The following CC2D2A variants were observed in gnomAD, a reference collection of about 807,000 sequenced individuals.
The protein encoded by CC2D2A is coiled-coil and C2 domain-containing protein 2A.
CC2D2A carries 155 observed loss-of-function variants against 212.9 expected under a neutral mutation model. The observed-to-expected ratio is 0.73, with a 90% confidence interval of 0.64 to 0.83. The LOEUF (loss-of-function observed/expected upper bound fraction) is 0.83. Among genes scored for constraint, CC2D2A ranks in the 40% least tolerant of loss-of-function variants. CC2D2A has a pLI of 0.00. For missense variants in CC2D2A, 1,856 were observed against 1,956.2 expected (o/e 0.95, Z 0.97); for synonymous variants, 667 against 686.5 (o/e 0.97, Z 0.44).
rs1446681286 is a variant in CC2D2A at position 15,537,116 on chromosome 4, G to A, written c.1764+40G>A. On this transcript the variant is annotated intron_variant, in intron 15 of 36. Coordinates refer to ENST00000424120, the MANE Select transcript of CC2D2A (RefSeq NM_001378615.1). Reference sequence around the variant, plus strand: ...ACTCAGCCTGGAATAGGGCTGGCCAGGAAGTGTCTGGGAGGGCAGCCTCCA... The same window carrying A: ...ACTCAGCCTGGAATAGGGCTGGCCAAGAAGTGTCTGGGAGGGCAGCCTCCA... The A allele has an allele frequency of 1.9e-6, 3 of 1,594,392 alleles. No homozygotes were observed. The South Asian group carries it at 3.4e-5, about 18-fold the overall frequency.
chr4:15,560,131 C>T (rs1482061113), intron 22 of CC2D2A, among the ~76,000 whole-genome samples: 1 of 152,130 alleles, frequency 6.6e-6, no homozygotes, highest in East Asian at 1.9e-4. Context: ...CGCGCCCAGC[C>T]AGAGGTCCTC....
intron 4 of CC2D2A, among the ~76,000 whole-genome samples, chr4:15,493,956 G>A (rs1307577426): frequency 2.6e-5 from 4 of 151,886 alleles, no homozygotes; most frequent in South Asian, 4.2e-4. Flanking sequence ...TCTACTCTTG[G>A]AAATTCATGA....
At chr4:15,574,393 T>C in intron 29 of CC2D2A, 67 bp downstream of exon 29, 4 of 1,269,898 alleles carry the variant, frequency 3.1e-6, no homozygotes, top group Non-Finnish European at 4.3e-6. Context: ...TGCTAGGCTA[T>C]ACTTTTATGA....
In CC2D2A at chr4:15,506,869, C is replaced by T. The variant is rs553934567; in HGVS notation, c.439-3270C>T. ...CGGGCGGATCACGAGGTCAGGAGTT[C>T]GAGACCAGTCTGGCCAACATAGTGA... On this transcript the variant is annotated intron_variant, in intron 6 of 36. Coordinates refer to ENST00000424120, the MANE Select transcript of CC2D2A (RefSeq NM_001378615.1). Among the ~76,000 whole-genome samples the T allele has an allele frequency of 4.0e-5, 6 of 151,480 alleles. No homozygotes were observed. In the South Asian group the frequency reaches 1.3e-3, roughly 32 times the overall value.
intron 4 of CC2D2A, among the ~76,000 whole-genome samples, chr4:15,499,621 T>C (rs79880178): frequency 0.016 from 2,405 of 152,304 alleles, 58 homozygotes; most frequent in African/African-American, 0.055. Flanking sequence ...AAAATTGTTC[T>C]AGTAAACCAT....
chr4:15,572,965 G>A (rs1023541034), intron 28 of CC2D2A, among the ~76,000 whole-genome samples: 5 of 152,098 alleles, frequency 3.3e-5, no homozygotes, highest in Admixed American at 2.0e-4. Flanking sequence ...AAGATGAAGG[G>A]GGGAAGACTC....
chr4:15,511,490 C>A, intron 8 of CC2D2A, 67 bp downstream of exon 8: 2 of 1,382,994 alleles, frequency 1.4e-6, no homozygotes, highest in Non-Finnish European at 1.9e-6. Context: ...GATGTCCCTG[C>A]AAGAAAGAAA....
intron 8 of CC2D2A, 49 bp from the exon 9 acceptor site, chr4:15,514,658 C>G (rs766958963): frequency 7.3e-7 from 1 of 1,368,444 alleles, no homozygotes; most frequent in Non-Finnish European, 9.7e-7. Flanking sequence ...ATTTTTCTAA[C>G]TAAGAATCTT....
intron 32 of CC2D2A, among the ~76,000 whole-genome samples, chr4:15,588,304 T>C: frequency 6.6e-6 from 1 of 152,146 alleles, no homozygotes; most frequent in East Asian, 1.9e-4. Context: ...GTGTGTGTGG[T>C]AAGGTTAGAG....
At chr4:15,482,827 G>A (rs1313343768) in intron 4 of CC2D2A, among the ~76,000 whole-genome samples, 8 of 152,242 alleles carry the variant, frequency 5.3e-5, no homozygotes, top group African/African-American at 1.9e-4. Context: ...TTTCTAACTC[G>A]AAAATGAAGA....
At chr4:15,510,118 C>A in intron 6 of CC2D2A, 21 bp from the exon 7 acceptor site, 1 of 1,568,720 alleles carries the variant, frequency 6.4e-7, no homozygotes. Flanking sequence ...GTTTATCTAT[C>A]ATTTTTTTCC....
At position 15,557,351 on chromosome 4, in the gene CC2D2A, G is replaced by A. The variant is rs758977410; in HGVS notation, c.2673G>A (p.Glu891=). The A allele has an allele frequency of 6.2e-6, 10 of 1,613,548 alleles. No individual in the cohort carries two copies. In the African/African-American group the frequency reaches 9.3e-5, roughly 15 times the overall value. The change falls in exon 21 of 37, where the codon GAG becomes GAA. Residue 891 remains glutamate, a synonymous_variant. Transcript: ENST00000424120. ...ESYVPDFFRL[E]QLQQEFNFVS... Reference sequence around the variant, plus strand: ...ATGTCCCTGATTTCTTTAGACTGGAGCAGCTGCAACAGGAGTTTAACTTTG... The same window carrying A: ...ATGTCCCTGATTTCTTTAGACTGGAACAGCTGCAACAGGAGTTTAACTTTG...
At chr4:15,536,323 G>T (rs1718129562) in intron 14 of CC2D2A, among the ~76,000 whole-genome samples, 2 of 151,780 alleles carry the variant, frequency 1.3e-5, no homozygotes, top group South Asian at 4.2e-4. Context: ...GGGAGGGTTG[G>T]GGGAGGGATA....
intron 1 of CC2D2A, among the ~76,000 whole-genome samples, chr4:15,470,689 CTATATATA>C (rs199958992): frequency 0.016 from 812 of 50,108 alleles, 8 homozygotes; most frequent in Admixed American, 0.051. Flanking sequence ...CTCTCTCTCT[CTATATATA>C]TATATATATA....
intron 3 of CC2D2A, chr4:15,479,152 G>A: frequency 1.8e-6 from 2 of 1,125,442 alleles, no homozygotes; most frequent in Non-Finnish European, 2.6e-6. Flanking sequence ...GTAGATGGCA[G>A]TACACGATTA....
Position 15,586,274 on chromosome 4 carries a change from A to T in CC2D2A, c.4065+28A>T, listed in dbSNP as rs6832789. On this transcript the variant is annotated intron_variant, in intron 31 of 36. Transcript: ENST00000424120. ...AAGTAGTTCTTCTTCACAGATTTAG[A>T]AACTTGAGCTGACTTAATGAAATAT... 1,383,583 of 1,395,038 alleles carry T rather than the reference A, an allele frequency of 0.99. 686,809 individuals are homozygous for T. Among genetic ancestry groups the T allele is most frequent in the East Asian group, 1 (40,936 of 40,940 alleles). 86.4% of individuals were successfully genotyped at this position (1,395,038 alleles called of 1,614,324 possible). A position where few individuals can be genotyped will look rare whatever the true frequency, so the allele number is the denominator to read the frequency against.
At chr4:15,513,998 AAAG>A (rs1560159300) in intron 8 of CC2D2A, among the ~76,000 whole-genome samples, 1 of 152,210 alleles carries the variant, frequency 6.6e-6, no homozygotes, top group Non-Finnish European at 1.5e-5. Context: ...TAAATTTTTA[AAAG>A]AAGGAGAAGG....
At chr4:15,478,315 C>T (rs983422014) in intron 2 of CC2D2A, among the ~76,000 whole-genome samples, 1 of 152,126 alleles carries the variant, frequency 6.6e-6, no homozygotes, top group African/African-American at 2.4e-5. Context: ...CGGTGAAATC[C>T]CTAATATGAT....
chr4:15,499,269 G>T (rs1715787069), intron 4 of CC2D2A, among the ~76,000 whole-genome samples: 1 of 152,132 alleles, frequency 6.6e-6, no homozygotes, highest in South Asian at 2.1e-4. Context: ...GGTTTTGGGT[G>T]ATTGATGCGT....
Sources: gnomAD v4.1 joint callset for allele counts (sites outside exome capture counted in the v4.1 genomes callset) on GRCh38, gnomAD v4.1.1 for gene constraint, MANE v1.5 for transcripts, NCBI Gene and HGNC (gene_info 2026-07-23, HGNC 2026-07-21) for gene names.